CTNNA3: variants seen among roughly 807,000 people sequenced by gnomAD.
CTNNA3 encodes the protein catenin alpha 3, also known as catenin alpha-3.
A neutral mutation model predicts 95.7 loss-of-function variants in CTNNA3; 76 were observed. The observed-to-expected ratio is 0.79, with a 90% CI of 0.66 to 0.96. The LOEUF (loss-of-function observed/expected upper bound fraction) is 0.96, where lower values mean the gene tolerates loss of function less well. Among genes scored for constraint, CTNNA3 ranks in the 40% least tolerant of loss-of-function variants. CTNNA3 has a pLI of 0.00. For missense variants in CTNNA3, 1,191 were observed against 1,089.8 expected (o/e 1.09, Z -1.31); for synonymous variants, 431 against 374.4 (o/e 1.15, Z -1.74).
At chr10:66,198,977 A>G (rs900925366) in intron 13 of CTNNA3, among the ~76,000 whole-genome samples, 29 of 152,228 alleles carry the variant, frequency 1.9e-4, no homozygotes, top group African/African-American at 7.0e-4. Context: ...TGCTTTAGGA[A>G]TAAGTGTGAG....
At chr10:67,112,795 G>GA (rs1218118286) in intron 7 of CTNNA3, among the ~76,000 whole-genome samples, 2 of 151,760 alleles carry the variant, frequency 1.3e-5, no homozygotes, top group Non-Finnish European at 2.9e-5. Context: ...GTTTATATAG[G>GA]AAAAAGCCTT....
At chr10:66,871,948 C>T (rs146659242) in intron 7 of CTNNA3, among the ~76,000 whole-genome samples, 119 of 152,280 alleles carry the variant, frequency 7.8e-4, no homozygotes, top group African/African-American at 2.8e-3. Context: ...AAATTTTGCA[C>T]ACAACTATAG....
At chr10:66,332,766 C>A (rs542347324) in intron 12 of CTNNA3, among the ~76,000 whole-genome samples, 6 of 152,058 alleles carry the variant, frequency 3.9e-5, no homozygotes, top group Non-Finnish European at 8.8e-5. Flanking sequence ...AGGATTCCCT[C>A]TTTTTCTATT....
rs762952337 is a variant in CTNNA3 at position 65,966,693 on chromosome 10, C to A, written c.2319G>T (p.Lys773Asn). 3 of 1,613,556 alleles carry A rather than the reference C, an allele frequency of 1.9e-6. No individual in the cohort carries two copies. Among genetic ancestry groups the A allele is most frequent in the Non-Finnish European group, 2.5e-6 (3 of 1,179,718 alleles). The change falls in exon 17 of 18, where the codon AAG (lysine) becomes AAT (asparagine). Residue 773 changes from lysine to asparagine, a missense_variant. Physicochemically the swap from Lys to Asn is moderately conservative, Grantham distance 94. Transcript: ENST00000433211. ...QDLLAYLEQI[K>N]FYSHQLKICS... ...AGATTTTCAGTTGGTGGGAGTAGAACTTAATCTGTTCCAGGTAGGCCAACA... is the reference window on the plus strand; with the variant it reads ...AGATTTTCAGTTGGTGGGAGTAGAAATTAATCTGTTCCAGGTAGGCCAACA...
intron 13 of CTNNA3, among the ~76,000 whole-genome samples, chr10:66,137,641 G>A (rs1014313517): frequency 2.0e-5 from 3 of 151,944 alleles, no homozygotes; most frequent in Admixed American, 6.6e-5. Context: ...TATGAGATAC[G>A]CGGAACAGCA....
intron 15 of CTNNA3, among the ~76,000 whole-genome samples, chr10:66,000,040 G>A (rs1012203400): frequency 2.0e-5 from 3 of 151,546 alleles, no homozygotes; most frequent in Non-Finnish European, 1.5e-5. Context: ...ACATTATCTC[G>A]TACACAATAA....
At chr10:67,725,874 G>A (rs1380309727) in intron 1 of CTNNA3, among the ~76,000 whole-genome samples, 2 of 143,994 alleles carry the variant, frequency 1.4e-5, no homozygotes, top group African/African-American at 2.6e-5. Flanking sequence ...CCTCAACAGT[G>A]ACTAGAATGT....
intron 9 of CTNNA3, among the ~76,000 whole-genome samples, chr10:66,672,254 A>T (rs2394282): frequency 0.9 from 136,657 of 152,162 alleles, 61,570 homozygotes; most frequent in East Asian, 1. Flanking sequence ...ATCAAAAAAA[A>T]AATAGTGAGT....
At chr10:67,183,315 T>C (rs1344533366) in intron 6 of CTNNA3, among the ~76,000 whole-genome samples, 7 of 152,052 alleles carry the variant, frequency 4.6e-5, no homozygotes, top group Non-Finnish European at 8.8e-5. Context: ...GTAGACTGGA[T>C]TAAGAAAATG....
At chr10:67,354,516 T>C (rs1842743040) in intron 5 of CTNNA3, among the ~76,000 whole-genome samples, 1 of 152,052 alleles carries the variant, frequency 6.6e-6, no homozygotes, top group African/African-American at 2.4e-5. Flanking sequence ...GAAGAGATAC[T>C]AAAAAATCTC....
intron 5 of CTNNA3, among the ~76,000 whole-genome samples, chr10:67,258,810 A>G (rs1400712943): frequency 6.6e-6 from 1 of 152,168 alleles, no homozygotes; most frequent in East Asian, 1.9e-4. Context: ...GTGTTCAAAT[A>G]TTCCCTCAAG....
At position 66,432,585 on chromosome 10, in the gene CTNNA3, C is replaced by T. The variant is rs368901962; in HGVS notation, c.1532-53233G>A. On this transcript the variant is annotated intron_variant, in intron 11 of 17. Transcript: ENST00000433211. ...CTGAGGAAGGAGAATGGCATGAACC[C>T]GGGAGGTGGAGCTTGCAGTGAGCAG... Among the ~76,000 whole-genome samples, 248 of 150,154 alleles carry T rather than the reference C, an allele frequency of 1.7e-3. 1 individual carries two copies. The highest frequency in any genetic ancestry group is 0.013 in the South Asian group (63 of 4,692).
intron 5 of CTNNA3, among the ~76,000 whole-genome samples, chr10:67,323,600 CTG>C (rs1375984920): frequency 6.6e-6 from 1 of 152,126 alleles, no homozygotes; most frequent in East Asian, 1.9e-4. Flanking sequence ...CAGTACCATG[CTG>C]TTTTGGTTAT....
At position 66,197,084 on chromosome 10, in the gene CTNNA3, G is replaced by T. The variant is rs185961002; in HGVS notation, c.1884+83386C>A. Among the ~76,000 whole-genome samples, 117 of 152,256 alleles carry T rather than the reference G, an allele frequency of 7.7e-4. 2 individuals carry two copies. Among genetic ancestry groups the T allele is most frequent in the Middle Eastern group, 3.4e-3 (1 of 294 alleles). On this transcript the variant is annotated intron_variant, in intron 13 of 17. Transcript: ENST00000433211. ...AAACTACTACCATGCAAGGATATTG[G>T]TCTATGTCACCTGACTTTCCAATTT...
chr10:66,318,883 C>A (rs975984201), intron 12 of CTNNA3, among the ~76,000 whole-genome samples: 1 of 151,872 alleles, frequency 6.6e-6, no homozygotes, highest in Non-Finnish European at 1.5e-5. Context: ...GGTATTTCAA[C>A]TTCACATCAC....
At chr10:67,454,877 T>C (rs1335476536) in intron 5 of CTNNA3, among the ~76,000 whole-genome samples, 1 of 152,202 alleles carries the variant, frequency 6.6e-6, no homozygotes, top group Non-Finnish European at 1.5e-5. Context: ...ATCTATTTTG[T>C]GCAAAACACA....
intron 5 of CTNNA3, among the ~76,000 whole-genome samples, chr10:67,402,882 G>A (rs140463779): frequency 8.2e-4 from 125 of 152,268 alleles, no homozygotes; most frequent in African/African-American, 3.0e-3. Context: ...CAGTCAAGGC[G>A]GGAGGTCCAT....
At chr10:66,149,202 A>G (rs970592399) in intron 13 of CTNNA3, among the ~76,000 whole-genome samples, 3 of 147,930 alleles carry the variant, frequency 2.0e-5, no homozygotes, top group African/African-American at 7.3e-5. Flanking sequence ...AATTATAACT[A>G]GTTATAATAT....
intron 12 of CTNNA3, among the ~76,000 whole-genome samples, chr10:66,367,869 A>ATTATTAT (rs1424086527): frequency 4.8e-4 from 14 of 29,364 alleles, no homozygotes; most frequent in African/African-American, 1.6e-3. Context: ...AATAATAATA[A>ATTATTAT]TAATAATAAT....
Sources: gnomAD v4.1 joint callset for allele counts (sites outside exome capture counted in the v4.1 genomes callset) on GRCh38, gnomAD v4.1.1 for gene constraint, MANE v1.5 for transcripts, NCBI Gene and HGNC (gene_info 2026-07-23, HGNC 2026-07-21) for gene names.